The following BCR variants were observed in gnomAD, a reference collection of about 807,000 sequenced individuals.
The protein encoded by BCR is BCR activator of RhoGEF and GTPase.
Under a neutral mutation model 138.6 loss-of-function variants are expected in BCR, and 58 were observed. The ratio of observed to expected loss-of-function variants is 0.42; its 90% CI spans 0.34 to 0.52. The LOEUF (loss-of-function observed/expected upper bound fraction) is 0.52, where lower values mean the gene tolerates loss of function less well. Ranked by LOEUF, BCR falls within the 20% of genes least tolerant of loss-of-function variation. The pLI, the probability that BCR is intolerant of heterozygous loss-of-function variation, is 0.06. For missense variants in BCR, 1,599 were observed against 1,727.2 expected, an observed-to-expected ratio of 0.93 and a Z score of 1.32; for synonymous variants, 786 against 730.1, an observed-to-expected ratio of 1.08 and a Z score of -1.23.
rs1395456072 is a variant in BCR, at chr22:23,315,665, A to T, written c.*143A>T. On this transcript the variant is annotated 3_prime_UTR_variant, in exon 23 of 23. Transcript: ENST00000305877. The stretch of plus-strand genomic sequence containing the variant: ...CATCTGCCAAGAGACAGCGACCCAA[A>T]GCCGAAGGACAGGTGGCCTGGAAAG... 7.4e-6 allele frequency: 6 copies of T among 807,050 alleles called. No homozygotes were observed. The highest frequency in any genetic ancestry group is 1.3e-5 in the Non-Finnish European group (6 of 476,222). The allele number at this position is 807,050 out of a possible 1,614,324, so 50.0% of individuals were successfully genotyped here.
intron 1 of BCR, among the ~76,000 whole-genome samples, chr22:23,253,529 A>G (rs80297073): frequency 7.2e-5 from 11 of 152,336 alleles, no homozygotes; most frequent in Non-Finnish European, 1.6e-4. Flanking sequence ...GCAAAGATCA[A>G]ATATACATTT....
intron 1 of BCR, among the ~76,000 whole-genome samples, chr22:23,230,182 ATC>A (rs1295034507): frequency 6.6e-6 from 1 of 152,084 alleles, no homozygotes; most frequent in Non-Finnish European, 1.5e-5. Flanking sequence ...AAGTCCTGCA[ATC>A]TCTGCTCAGT....
intron 1 of BCR, among the ~76,000 whole-genome samples, chr22:23,194,129 G>A (rs1261864472): frequency 6.6e-6 from 1 of 152,176 alleles, no homozygotes; most frequent in Non-Finnish European, 1.5e-5. Context: ...CCTCTGTGGG[G>A]GTGTGCAGAA....
At chr22:23,291,643 C>T (rs1204923649) in intron 14 of BCR, among the ~76,000 whole-genome samples, 3 of 152,240 alleles carry the variant, frequency 2.0e-5, no homozygotes, top group African/African-American at 4.8e-5. Context: ...CTTTCTATCT[C>T]TTCCTTGCCC....
Position 23,192,330 on chromosome 22 carries a change from A to T in BCR, c.1279+10091A>T, listed in dbSNP as rs528518444. ...TCTCCTCAGACTGAGTGGTTGTGTT[A>T]ATCACATGAGAGCAGACACAGAATG... is the stretch of plus-strand genomic sequence containing the variant. On this transcript the variant is annotated intron_variant, in intron 1 of 22. Coordinates refer to ENST00000305877, the MANE Select transcript of BCR (RefSeq NM_004327.4). Among the ~76,000 whole-genome samples, 5 of 152,304 alleles carry T rather than the reference A, an allele frequency of 3.3e-5. No individual in the cohort carries two copies. In the East Asian group the frequency reaches 9.7e-4, roughly 29 times the overall value.
chr22:23,301,359 C>T (rs896813335), intron 16 of BCR, among the ~76,000 whole-genome samples: 3 of 152,200 alleles, frequency 2.0e-5, no homozygotes, highest in Non-Finnish European at 1.5e-5. Flanking sequence ...CTCCAATTTC[C>T]CCAGCTCTGC....
chr22:23,189,152 G>A (rs1287046264), intron 1 of BCR, among the ~76,000 whole-genome samples: 4 of 152,034 alleles, frequency 2.6e-5, no homozygotes, highest in Admixed American at 6.6e-5. Context: ...GAGCCACTGC[G>A]CCCGGCTAAA....
intron 16 of BCR, chr22:23,302,852 C>A (rs1170368322): frequency 1.3e-5 from 2 of 152,200 alleles, no homozygotes; most frequent in African/African-American, 4.8e-5. Context: ...AGATTCCTTC[C>A]TGTCTAGCCA....
intron 1 of BCR, among the ~76,000 whole-genome samples, chr22:23,183,923 G>A (rs1288392328): frequency 6.6e-6 from 1 of 152,164 alleles, no homozygotes; most frequent in African/African-American, 2.4e-5. Flanking sequence ...GGGATGGAAA[G>A]CCCAGTGCCT....
chr22:23,266,679 C>A (rs2073445853), intron 4 of BCR, among the ~76,000 whole-genome samples: 1 of 152,250 alleles, frequency 6.6e-6, no homozygotes, highest in South Asian at 2.1e-4. Context: ...CCGCCGTGCC[C>A]AGACAACCTT....
intron 1 of BCR, 43 bp downstream of exon 1, chr22:23,182,282 G>A (rs2072279713): frequency 1.3e-6 from 2 of 1,488,808 alleles, no homozygotes; most frequent in South Asian, 1.3e-5. Context: ...CTGCACGGGG[G>A]AGGAAAACCA....
chr22:23,215,128 C>T (rs1300525165), intron 1 of BCR, among the ~76,000 whole-genome samples: 1 of 152,212 alleles, frequency 6.6e-6, no homozygotes, highest in Non-Finnish European at 1.5e-5. Flanking sequence ...ACATAATGTC[C>T]TCAAGTTTCA....
chr22:23,303,926 G>A (rs1396689955), intron 16 of BCR, among the ~76,000 whole-genome samples: 1 of 109,534 alleles, frequency 9.1e-6, no homozygotes, highest in Admixed American at 9.6e-5. Flanking sequence ...CAATTTCCTT[G>A]TTGCCTTTTT....
rs182776517 is a variant in BCR, at chr22:23,293,859, G to A, written c.2881-1165G>A. Among the ~76,000 whole-genome samples, 4 of 141,610 alleles carry A rather than the reference G, an allele frequency of 2.8e-5. 1 individual carries two copies. The highest frequency in any genetic ancestry group is 2.2e-4 in the South Asian group (1 of 4,470). 92.9% of individuals were successfully genotyped at this position (141,610 alleles called of 152,430 possible). ...AAATTCCTGCTGCTTGCTTCTTCCC[G>A]CACCCTCCTCCATTTCCCCGCCAAG... On this transcript the variant is annotated intron_variant, in intron 15 of 22. Coordinates refer to ENST00000305877, the MANE Select transcript of BCR (RefSeq NM_004327.4).
At chr22:23,196,276 T>C (rs1448985784) in intron 1 of BCR, among the ~76,000 whole-genome samples, 1 of 152,070 alleles carries the variant, frequency 6.6e-6, no homozygotes, top group Non-Finnish European at 1.5e-5. Context: ...TCGGACACAG[T>C]CCTTAAATAA....
intron 1 of BCR, among the ~76,000 whole-genome samples, chr22:23,194,106 G>C (rs1055321231): frequency 4.6e-5 from 7 of 152,250 alleles, no homozygotes; most frequent in African/African-American, 1.7e-4. Flanking sequence ...TGGAAGCTCA[G>C]CGTAGCCTGT....
At chr22:23,304,083 G>A (rs1328121665) in intron 16 of BCR, among the ~76,000 whole-genome samples, 2 of 146,122 alleles carry the variant, frequency 1.4e-5, no homozygotes, top group South Asian at 2.2e-4. Context: ...ACAGGCATGC[G>A]CCACCATGCC....
chr22:23,284,204 T>G (rs2073682854), intron 9 of BCR, 106 bp downstream of exon 9: 6 of 1,472,754 alleles, frequency 4.1e-6, no homozygotes, highest in Admixed American at 2.4e-5. Flanking sequence ...GCTCGTTACA[T>G]TCCGTTTCTA....
chr22:23,188,498 A>G (rs117258892), intron 1 of BCR, among the ~76,000 whole-genome samples: 6 of 152,308 alleles, frequency 3.9e-5, no homozygotes, highest in Non-Finnish European at 8.8e-5. Context: ...CAGGTGAGCT[A>G]TGTGCTTGAG....
Sources: gnomAD v4.1 joint callset for allele counts (sites outside exome capture counted in the v4.1 genomes callset) on GRCh38, gnomAD v4.1.1 for gene constraint, MANE v1.5 for transcripts, NCBI Gene and HGNC (gene_info 2026-07-23, HGNC 2026-07-21) for gene names.